The following DGKB variants were observed in gnomAD, a reference collection of about 807,000 sequenced individuals.
DGKB encodes 90 kDa diacylglycerol kinase.
DGKB carries 67 observed loss-of-function variants against 114.3 expected under a neutral mutation model. The ratio of observed to expected loss-of-function variants is 0.59; its 90% CI spans 0.48 to 0.72. The LOEUF (loss-of-function observed/expected upper bound fraction) is 0.72, where lower values mean the gene tolerates loss of function less well. Among genes scored for constraint, DGKB ranks in the 30% least tolerant of loss-of-function variants. The pLI is 0.00. For synonymous variants in DGKB, 398 were observed against 323.1 expected, an observed-to-expected ratio of 1.23 and a Z score of -2.49; for missense variants, 907 against 975.2, an observed-to-expected ratio of 0.93 and a Z score of 0.93.
chr7:14,211,381 ATTT>A (rs1584474969), intron 23 of DGKB, among the ~76,000 whole-genome samples: 3 of 71,796 alleles, frequency 4.2e-5, no homozygotes, highest in African/African-American at 2.1e-4. Context: ...GTGTTTTGTG[ATTT>A]TACTCTCATG....
At chr7:14,960,128 G>GAT (rs1369544314) in intron 1 of DGKB, among the ~76,000 whole-genome samples, 1 of 151,968 alleles carries the variant, frequency 6.6e-6, no homozygotes, top group African/African-American at 2.4e-5. Flanking sequence ...ACAGATATAT[G>GAT]ATAACTAAGA....
chr7:14,707,069 G>C (rs1241966901), intron 6 of DGKB, among the ~76,000 whole-genome samples: 1 of 149,722 alleles, frequency 6.7e-6, no homozygotes, highest in Non-Finnish European at 1.5e-5. Context: ...CAGACCGCTA[G>C]CAAGACTAAT....
intron 2 of DGKB, among the ~76,000 whole-genome samples, chr7:14,795,876 A>T (rs192118532): frequency 6.6e-6 from 1 of 152,318 alleles, no homozygotes; most frequent in African/African-American, 2.4e-5. Flanking sequence ...AAAGCATATT[A>T]TGAAAAACTA....
chr7:14,281,791 TAA>T (rs1384193724), intron 23 of DGKB, among the ~76,000 whole-genome samples: 1 of 151,194 alleles, frequency 6.6e-6, no homozygotes, highest in Non-Finnish European at 1.5e-5. Context: ...AAGGCAGAAA[TAA>T]AGATGTTCTT....
intron 20 of DGKB, among the ~76,000 whole-genome samples, chr7:14,539,198 A>G (rs1793015498): frequency 1.3e-5 from 2 of 152,120 alleles, no homozygotes; most frequent in Admixed American, 6.5e-5. Context: ...TTTTGGATGT[A>G]ATGTATATGT....
chr7:14,903,165 T>C (rs1447990091), upstream of DGKB: 1 of 153,012 alleles, frequency 6.5e-6, no homozygotes, highest in African/African-American at 2.4e-5. Flanking sequence ...TCAGTCTCTC[T>C]TAGTCCTTGA....
chr7:14,581,678 C>T (rs1799953623), intron 18 of DGKB, among the ~76,000 whole-genome samples: 1 of 152,122 alleles, frequency 6.6e-6, no homozygotes, highest in Non-Finnish European at 1.5e-5. Flanking sequence ...GTTTCTTCCT[C>T]CTTAGCCCCT....
chr7:14,882,662 C>T (rs1209456675), intron 1 of DGKB, among the ~76,000 whole-genome samples: 1 of 151,924 alleles, frequency 6.6e-6, no homozygotes, highest in Non-Finnish European at 1.5e-5. Context: ...CAGTTTTTAG[C>T]ACCCACTTAT....
chr7:14,604,621 A>G (rs1404000217), intron 17 of DGKB, among the ~76,000 whole-genome samples: 1 of 152,170 alleles, frequency 6.6e-6, no homozygotes, highest in Non-Finnish European at 1.5e-5. Context: ...CACCAAGGGT[A>G]TCAGAGTAAT....
chr7:14,437,924 A>AT (rs536737265), intron 21 of DGKB, among the ~76,000 whole-genome samples: 1 of 151,592 alleles, frequency 6.6e-6, no homozygotes, highest in Non-Finnish European at 1.5e-5. Context: ...AGAGTTCAAT[A>AT]TTTTTTCTTT....
chr7:14,905,585 A>G (rs1284582518), upstream of DGKB, among the ~76,000 whole-genome samples: 1 of 152,168 alleles, frequency 6.6e-6, no homozygotes, highest in Non-Finnish European at 1.5e-5. Flanking sequence ...ATAATCATCA[A>G]TTTGTGAAAA....
At chr7:14,578,798 G>A (rs1044889210) in intron 19 of DGKB, among the ~76,000 whole-genome samples, 1 of 152,184 alleles carries the variant, frequency 6.6e-6, no homozygotes, top group Non-Finnish European at 1.5e-5. Context: ...ATGTGTCAGT[G>A]TGTTACTCTG....
At chr7:14,468,948 A>G (rs1372524203) in intron 21 of DGKB, among the ~76,000 whole-genome samples, 5 of 152,116 alleles carry the variant, frequency 3.3e-5, no homozygotes, top group African/African-American at 1.2e-4. Flanking sequence ...AATCAAGGGG[A>G]AAATATTTAA....
intron 21 of DGKB, among the ~76,000 whole-genome samples, chr7:14,470,951 T>G (rs1479549279): frequency 6.6e-6 from 1 of 151,378 alleles, no homozygotes; most frequent in Non-Finnish European, 1.5e-5. Flanking sequence ...AATATTTGGC[T>G]TTGATATAGC....
intron 2 of DGKB, among the ~76,000 whole-genome samples, chr7:14,816,830 T>A (rs183106295): frequency 6.6e-6 from 1 of 152,116 alleles, no homozygotes; most frequent in Non-Finnish European, 1.5e-5. Context: ...GAAAATAACA[T>A]TGACTTTCTC....
chr7:14,685,512 A>G, intron 9 of DGKB, 150 bp from the exon 10 acceptor site: 1 of 615,432 alleles, frequency 1.6e-6, no homozygotes, highest in Non-Finnish European at 2.9e-6. Flanking sequence ...CAGAGCCTTT[A>G]GAAAAACACA....
chr7:14,403,983 C>A (rs115419676), intron 21 of DGKB, among the ~76,000 whole-genome samples: 143 of 151,800 alleles, frequency 9.4e-4, no homozygotes, highest in African/African-American at 3.3e-3. Context: ...CAGAATAAAA[C>A]CTCTTAGCAA....
At chr7:14,801,259 C>A (rs1026732529) in intron 2 of DGKB, among the ~76,000 whole-genome samples, 1 of 152,086 alleles carries the variant, frequency 6.6e-6, no homozygotes, top group Non-Finnish European at 1.5e-5. Context: ...CAGTTGTATG[C>A]AGGATAGTTG....
chr7:14,439,153 C>T (rs1020400719), intron 21 of DGKB, among the ~76,000 whole-genome samples: 14 of 152,070 alleles, frequency 9.2e-5, no homozygotes, highest in African/African-American at 2.4e-4. Flanking sequence ...TTTCATTACA[C>T]GTACTAATCC....
Sources: gnomAD v4.1 joint callset for allele counts (sites outside exome capture counted in the v4.1 genomes callset) on GRCh38, gnomAD v4.1.1 for gene constraint, MANE v1.5 for transcripts, NCBI Gene and HGNC (gene_info 2026-07-23, HGNC 2026-07-21) for gene names.